LIMA1: variants seen among roughly 807,000 people sequenced by gnomAD.
LIMA1 encodes LIM domain and actin binding 1, also known as LIM domain and actin-binding protein 1.
A neutral mutation model predicts 62.6 loss-of-function variants in LIMA1; 52 were observed. The observed-to-expected ratio is 0.83, with a 90% confidence interval of 0.67 to 1.05. The LOEUF is 1.05. Among genes scored for constraint, LIMA1 ranks in the 50% least tolerant of loss-of-function variants. The pLI is 0.00. For missense variants in LIMA1, 780 were observed against 902.2 expected, an observed-to-expected ratio of 0.86 and a Z score of 1.74; for synonymous variants, 302 against 317.8, an observed-to-expected ratio of 0.95 and a Z score of 0.53.
At chr12:50,282,263 T>C (rs920414834) in intron 1 of LIMA1, among the ~76,000 whole-genome samples, 8 of 152,176 alleles carry the variant, frequency 5.3e-5, no homozygotes, top group African/African-American at 1.9e-4. Context: ...GAAGAAAGGA[T>C]TGGTGTTATT....
intron 2 of LIMA1, among the ~76,000 whole-genome samples, chr12:50,240,061 A>ATAACATAACATAACATAAC (rs1454888061): frequency 1.6e-4 from 19 of 121,482 alleles, no homozygotes; most frequent in African/African-American, 6.0e-4. Flanking sequence ...CATAACATAA[A>ATAACATAACATAACATAAC]ATAAAAAATT....
At chr12:50,201,384 C>T in intron 6 of LIMA1, 2 of 983,680 alleles carry the variant, frequency 2.0e-6, no homozygotes, top group Non-Finnish European at 2.4e-6. Flanking sequence ...TTTAATGATA[C>T]CATAAAGAAA....
rs115909469 is a variant in LIMA1, at chr12:50,199,671, G to A, written c.972+1106C>T. Among the ~76,000 whole-genome samples the A allele has an allele frequency of 5.6e-3, 854 of 152,154 alleles. 6 individuals are homozygous for A. Among genetic ancestry groups the A allele is most frequent in the African/African-American group, 0.02 (833 of 41,482 alleles). On this transcript the variant is annotated intron_variant, in intron 7 of 10. Coordinates refer to ENST00000341247, the MANE Select transcript of LIMA1 (RefSeq NM_016357.5). ...GAATGGTTTGTCAATAAGTTTTTAAGCTTATTATTTCCTATGCTTACTTAG... is the reference window on the plus strand; with the variant it reads ...GAATGGTTTGTCAATAAGTTTTTAAACTTATTATTTCCTATGCTTACTTAG...
At chr12:50,272,516 C>T (rs538515780) in intron 1 of LIMA1, among the ~76,000 whole-genome samples, 76 of 147,874 alleles carry the variant, frequency 5.1e-4, no homozygotes, top group African/African-American at 1.7e-3. Context: ...TGCTTGAACC[C>T]GGGAGGTGGA....
At chr12:50,239,342 T>C (rs1465968359) in intron 2 of LIMA1, among the ~76,000 whole-genome samples, 2 of 152,196 alleles carry the variant, frequency 1.3e-5, no homozygotes, top group Non-Finnish European at 2.9e-5. Context: ...TATTCATGTA[T>C]TAAAACATCA....
chr12:50,232,229 AT>A (rs1162181804), intron 2 of LIMA1, among the ~76,000 whole-genome samples: 1 of 135,230 alleles, frequency 7.4e-6, no homozygotes. Context: ...ACCTGGCTTA[AT>A]TTTTTTATTT....
chr12:50,260,189 C>T (rs922944355), intron 1 of LIMA1, among the ~76,000 whole-genome samples: 1 of 151,578 alleles, frequency 6.6e-6, no homozygotes, highest in African/African-American at 2.4e-5. Context: ...CTCTTGTTGC[C>T]CATGCTGGAG....
At chr12:50,268,087 G>A (rs976940291) in intron 1 of LIMA1, among the ~76,000 whole-genome samples, 3 of 152,132 alleles carry the variant, frequency 2.0e-5, no homozygotes, top group Non-Finnish European at 4.4e-5. Flanking sequence ...CACAGCAGCT[G>A]TCCTTTCCTG....
chr12:50,277,986 T>C (rs1376214753), intron 1 of LIMA1, among the ~76,000 whole-genome samples: 1 of 152,094 alleles, frequency 6.6e-6, no homozygotes, highest in African/African-American at 2.4e-5. Context: ...GATTAAAAAA[T>C]AATATTCGGG....
intron 7 of LIMA1, among the ~76,000 whole-genome samples, chr12:50,200,047 C>T (rs1941011720): frequency 6.6e-6 from 1 of 151,990 alleles, no homozygotes. Flanking sequence ...GCATGCACCA[C>T]CATGCCCGGC....
chr12:50,186,944 G>A (rs1469483961), intron 9 of LIMA1: 3 of 152,178 alleles, frequency 2.0e-5, no homozygotes, highest in Non-Finnish European at 2.9e-5. Flanking sequence ...GGGGAGGAGA[G>A]CAGATGCTAA....
At chr12:50,239,955 C>T (rs1169074002) in intron 2 of LIMA1, among the ~76,000 whole-genome samples, 1 of 152,012 alleles carries the variant, frequency 6.6e-6, no homozygotes, top group African/African-American at 2.4e-5. Context: ...GATGGCGCCA[C>T]TGCACTCCAG....
At chr12:50,240,250 G>A (rs1274683748) in intron 2 of LIMA1, among the ~76,000 whole-genome samples, 1 of 152,106 alleles carries the variant, frequency 6.6e-6, no homozygotes, top group African/African-American at 2.4e-5. Context: ...AAGAACTCTA[G>A]TGTTGCAGAA....
intron 4 of LIMA1, 82 bp downstream of exon 4, chr12:50,221,939 C>T: frequency 1.6e-6 from 2 of 1,236,038 alleles, no homozygotes; most frequent in Non-Finnish European, 2.3e-6. Context: ...TTCGCCTCTA[C>T]TCAAAATAGC....
At chr12:50,246,467 C>T (rs1031213310) in intron 2 of LIMA1, among the ~76,000 whole-genome samples, 3 of 152,054 alleles carry the variant, frequency 2.0e-5, no homozygotes, top group Non-Finnish European at 4.4e-5. Flanking sequence ...CCCCTTGACC[C>T]CCAACAGCTT....
chr12:50,213,238 G>A (rs1409513034), intron 4 of LIMA1, among the ~76,000 whole-genome samples: 1 of 152,238 alleles, frequency 6.6e-6, no homozygotes, highest in Admixed American at 6.5e-5. Flanking sequence ...AGCATAAACT[G>A]TGGGAAGACA....
At chr12:50,211,606 C>T (rs531767061) in intron 4 of LIMA1, among the ~76,000 whole-genome samples, 2 of 151,604 alleles carry the variant, frequency 1.3e-5, no homozygotes, top group East Asian at 1.9e-4. Flanking sequence ...GATTGTGCCC[C>T]GGCACTCCAG....
rs769399727 is a variant in LIMA1 at position 50,192,597 on chromosome 12, T to C, written c.1031-36A>G. 9.5e-6 allele frequency: 14 copies of C among 1,470,076 alleles called. No individual in the cohort carries two copies. The East Asian group carries it at 2.9e-4, about 31-fold the overall frequency. The allele number at this position is 1,470,076 out of a possible 1,614,324, so 91.1% of individuals were successfully genotyped here. On this transcript the variant is annotated intron_variant, in intron 8 of 10. Transcript: ENST00000341247. ...TACAAAAGGAAGACATTTTACAGTA[T>C]CTCATGGAATGTCTTGGAAAGTGTT...
chr12:50,271,787 G>T (rs149592040), intron 1 of LIMA1, among the ~76,000 whole-genome samples: 1 of 152,074 alleles, frequency 6.6e-6, no homozygotes, highest in African/African-American at 2.4e-5. Context: ...ACATGTAGGG[G>T]CTCAATAAAT....
Sources: gnomAD v4.1 joint callset for allele counts (sites outside exome capture counted in the v4.1 genomes callset) on GRCh38, gnomAD v4.1.1 for gene constraint, MANE v1.5 for transcripts, NCBI Gene and HGNC (gene_info 2026-07-23, HGNC 2026-07-21) for gene names.